Variants in ECM2 observed in about 807,000 individuals in gnomAD.
The protein encoded by ECM2 is extracellular matrix protein 2, female organ and adipocyte specific.
Under a neutral mutation model 67.5 loss-of-function variants are expected in ECM2, and 57 were observed. The observed-to-expected ratio is 0.84, with a 90% confidence interval of 0.68 to 1.05. The LOEUF is 1.05. ECM2 is among the 50% of genes least tolerant of loss of function. ECM2 has a pLI of 0.00. For synonymous variants in ECM2, 258 were observed against 294.5 expected (o/e 0.88, Z 1.27); for missense variants, 741 against 822.8 (o/e 0.90, Z 1.22).
chr9:92,542,308 T>C, the ECM2 span, among the ~76,000 whole-genome samples: 1 of 152,224 alleles, frequency 6.6e-6, no homozygotes, highest in East Asian at 1.9e-4. Context: ...TTATCAGATA[T>C]ATAGTTTGCA....
chr9:92,526,199 C>T (rs1344336593), intron 1 of ECM2, among the ~76,000 whole-genome samples: 1 of 151,864 alleles, frequency 6.6e-6, no homozygotes, highest in Non-Finnish European at 1.5e-5. Context: ...CAATGAAGGC[C>T]TAGGCTAATG....
chr9:92,533,099 C>T (rs1354697080), intron 1 of ECM2, among the ~76,000 whole-genome samples: 1 of 151,126 alleles, frequency 6.6e-6, no homozygotes, highest in Admixed American at 6.6e-5. Flanking sequence ...GAGTTTGAGA[C>T]CAGCCTGGCC....
chr9:92,506,668 A>G (rs1373800995), intron 6 of ECM2, among the ~76,000 whole-genome samples: 1 of 152,190 alleles, frequency 6.6e-6, no homozygotes, highest in Non-Finnish European at 1.5e-5. Context: ...TTAAAAGAAG[A>G]AAAAGCAGTG....
At chr9:92,528,578 T>C (rs1249209607) in intron 1 of ECM2, among the ~76,000 whole-genome samples, 1 of 152,110 alleles carries the variant, frequency 6.6e-6, no homozygotes, top group Non-Finnish European at 1.5e-5. Flanking sequence ...AAAACAGGTC[T>C]CTGGAGCTTA....
At chr9:92,538,496 A>G (rs1849242091), upstream of ECM2, among the ~76,000 whole-genome samples, 1 of 152,204 alleles carries the variant, frequency 6.6e-6, no homozygotes, top group Admixed American at 6.5e-5. Context: ...AAAAGAATAC[A>G]AACAATCAAA....
chr9:92,549,458 C>T, the ECM2 span, among the ~76,000 whole-genome samples: 3 of 152,138 alleles, frequency 2.0e-5, no homozygotes, highest in African/African-American at 2.4e-5. Flanking sequence ...ACCAGCCTGG[C>T]CAATGTGGTG....
At chr9:92,507,454 C>CT (rs1356101369) in intron 6 of ECM2, among the ~76,000 whole-genome samples, 1 of 152,142 alleles carries the variant, frequency 6.6e-6, no homozygotes, top group African/African-American at 2.4e-5. Flanking sequence ...ACTGTGTTTT[C>CT]TTTTGCAATT....
the ECM2 span, among the ~76,000 whole-genome samples, chr9:92,557,141 G>A: frequency 1.3e-5 from 2 of 152,096 alleles, no homozygotes; most frequent in African/African-American, 4.8e-5. Context: ...TGTTTGAGGA[G>A]TAGGGTCCCA....
intron 9 of ECM2, 103 bp downstream of exon 9, chr9:92,500,624 T>C (rs1353480953): frequency 3.3e-6 from 4 of 1,222,142 alleles, no homozygotes; most frequent in Non-Finnish European, 3.4e-6. Flanking sequence ...TAGCACCATT[T>C]TTTTTTCCCT....
chr9:92,515,742 A>G (rs995522832), intron 3 of ECM2, among the ~76,000 whole-genome samples: 1 of 152,194 alleles, frequency 6.6e-6, no homozygotes, highest in Non-Finnish European at 1.5e-5. Flanking sequence ...TCATAACATC[A>G]TCCTCTGAAA....
chr9:92,533,336 T>A lies in ECM2; in HGVS notation c.-28+2597A>T, dbSNP rs372777108. On this transcript the variant is annotated intron_variant, in intron 1 of 9. Transcript: ENST00000344604. Reference sequence around the variant, plus strand: ...AAAAAAAAAAAAAAAAAAATATATATATATATATATATATATATATATGCT... The same window carrying A: ...AAAAAAAAAAAAAAAAAAATATATAAATATATATATATATATATATATGCT... Among the ~76,000 whole-genome samples the A allele has an allele frequency of 3.1e-3, 318 of 101,826 alleles. 1 individual carries two copies. Among genetic ancestry groups the A allele is most frequent in the East Asian group, 0.013 (25 of 1,870 alleles). The allele number at this position is 101,826 out of a possible 152,430, so 66.8% of individuals were successfully genotyped here.
chr9:92,516,765 A>G (rs772788561), intron 3 of ECM2: 30 of 152,192 alleles, frequency 2.0e-4, no homozygotes, highest in Non-Finnish European at 3.1e-4. Context: ...TTCATTGAAC[A>G]CTTTTTTCCT....
chr9:92,495,729 A>G lies in ECM2; in HGVS notation c.*586T>C. The G allele has an allele frequency of 1.1e-6, 1 of 928,656 alleles. No individual in the cohort carries two copies. The allele number at this position is 928,656 out of a possible 1,614,324, so 57.5% of individuals were successfully genotyped here. A position where few individuals can be genotyped will look rare whatever the true frequency, so the allele number is the denominator to read the frequency against. On this transcript the variant is annotated 3_prime_UTR_variant, in exon 10 of 10. Transcript: ENST00000344604. ...TAACCATAATATGATTTTCAAAACCAGGAAATTAACATTACAGTAGTGTTT... is the reference window on the plus strand; with the variant it reads ...TAACCATAATATGATTTTCAAAACCGGGAAATTAACATTACAGTAGTGTTT...
At chr9:92,551,543 G>C in the ECM2 span, among the ~76,000 whole-genome samples, 1 of 151,848 alleles carries the variant, frequency 6.6e-6, no homozygotes, top group African/African-American at 2.4e-5. Context: ...TTTTCCATAA[G>C]TTATTGGGGT....
chr9:92,494,612 T>C (rs1396923823), downstream of ECM2, among the ~76,000 whole-genome samples: 2 of 152,190 alleles, frequency 1.3e-5, no homozygotes, highest in African/African-American at 4.8e-5. Context: ...AGAAGTAACA[T>C]TATGGAATAA....
the ECM2 span, among the ~76,000 whole-genome samples, chr9:92,542,186 A>G: frequency 6.6e-6 from 1 of 152,198 alleles, no homozygotes; most frequent in Non-Finnish European, 1.5e-5. Flanking sequence ...AGTATTCTAT[A>G]ATGGCTCCTT....
chr9:92,494,341 C>A (rs1048187696), downstream of ECM2, among the ~76,000 whole-genome samples: 14 of 152,152 alleles, frequency 9.2e-5, no homozygotes, highest in African/African-American at 3.4e-4. Flanking sequence ...ATAAGTGTTG[C>A]ACAAGGGTTG....
the ECM2 span, among the ~76,000 whole-genome samples, chr9:92,546,733 A>G: frequency 7.2e-5 from 11 of 152,246 alleles, no homozygotes; most frequent in Non-Finnish European, 1.5e-4. Context: ...AGTTCTGCAC[A>G]CAATACTATG....
downstream of ECM2, chr9:92,494,081 C>T (rs970923283): frequency 6.3e-7 from 1 of 1,597,284 alleles, no homozygotes; most frequent in Admixed American, 1.7e-5. Flanking sequence ...TGCTTATTGC[C>T]TCTACCAGAG....
Sources: allele counts gnomAD v4.1 joint callset (sites outside exome capture counted in the v4.1 genomes callset), GRCh38; gene constraint gnomAD v4.1.1; transcripts MANE v1.5; gene names NCBI Gene and HGNC (gene_info 2026-07-23, HGNC 2026-07-21).